LTBR: variants seen among roughly 807,000 people sequenced by gnomAD.
The protein encoded by LTBR is tumor necrosis factor receptor superfamily member 3.
LTBR carries 15 observed loss-of-function variants against 45.4 expected under a neutral mutation model. That is an observed-to-expected ratio of 0.33 (90% CI 0.22 to 0.51). The LOEUF (loss-of-function observed/expected upper bound fraction) is 0.51. Ranked by LOEUF, LTBR falls within the 20% of genes least tolerant of loss-of-function variation. The pLI is 0.97. For synonymous variants in LTBR, 228 were observed against 231.0 expected (o/e 0.99, Z 0.12); for missense variants, 450 against 565.5 (o/e 0.80, Z 2.07).
In LTBR at chr12:6,384,699, C is replaced by CT. The variant is rs1241499319; in HGVS notation, c.193+15_193+16insT. ...CTGCCCGCCAGGTGAGAGGCAATGG[C>CT]AGGACGAACCTGGGCCTCGGAAGTG... On this transcript the variant is annotated intron_variant, in intron 2 of 9. Transcript: ENST00000228918. 6 of 1,611,420 alleles carry CT rather than the reference C, an allele frequency of 3.7e-6. No individual in the cohort carries two copies. The highest frequency in any genetic ancestry group is 5.1e-6 in the Non-Finnish European group (6 of 1,177,598).
At chr12:6,383,516 G>A (rs911660866), upstream of LTBR, among the ~76,000 whole-genome samples, 7 of 152,136 alleles carry the variant, frequency 4.6e-5, no homozygotes, top group African/African-American at 1.7e-4. Flanking sequence ...CTGGCCCCAG[G>A]ACTCCCCTCC....
chr12:6,385,059 C>T lies in LTBR; in HGVS notation c.231C>T (p.Asp77=), dbSNP rs756255222. Reference sequence around the variant, plus strand: ...CAGCTAAATGTAGCCGCATCCGGGACACAGTTTGTGCCACATGTGCCGAGA... The same window carrying T: ...CAGCTAAATGTAGCCGCATCCGGGATACAGTTTGTGCCACATGTGCCGAGA... ...YVSAKCSRIR[D]TVCATCAENS... Residue 77 remains aspartate (D), a synonymous_variant, in exon 3 of 10, where the codon GAC becomes GAT. Coordinates refer to ENST00000228918, the MANE Select transcript of LTBR (RefSeq NM_002342.3). The T allele has an allele frequency of 6.2e-7, 1 of 1,614,092 alleles. No individual in the cohort carries two copies.
At position 6,389,001 on chromosome 12, in the gene LTBR, GA is replaced by G. The variant is rs746929616; in HGVS notation, c.801+177del. On this transcript the variant is annotated intron_variant, in intron 8 of 9. Coordinates refer to ENST00000228918, the MANE Select transcript of LTBR (RefSeq NM_002342.3). ...TCCTAGGCACTGGGCGTACAGCAGT[GA>G]GCAAAACACAGTACCTCATTTCCTG... The G allele has an allele frequency of 1.2e-4, 84 of 672,580 alleles. No individual in the cohort carries two copies. In the South Asian group the frequency reaches 1.4e-3, roughly 11 times the overall value. The allele number at this position is 672,580 out of a possible 1,614,324, so 41.7% of individuals were successfully genotyped here. A position where few individuals can be genotyped will look rare whatever the true frequency, so the allele number is the denominator to read the frequency against.
At chr12:6,385,662 T>G in intron 4 of LTBR, 1 of 454,672 alleles carries the variant, frequency 2.2e-6, no homozygotes, top group South Asian at 2.6e-5. Context: ...ATCCCAGCAC[T>G]TTGGGAGGCC....
rs776934360 is a variant in LTBR, at chr12:6,386,472, G to GGC, written c.667+29_667+30insCG. On this transcript the variant is annotated intron_variant, in intron 6 of 9. Transcript: ENST00000228918. The surrounding 1 kb of genome is among the most constrained non-coding windows in gnomAD (Gnocchi z 4.1). ...GAGGGACCAGGGCTGAGGGACACGG[G>GGC]GGGGGCGCCTCTGAAAATGCCTTAA... The GGC allele has an allele frequency of 6.9e-5, 108 of 1,564,474 alleles. No homozygotes were observed. The highest frequency in any genetic ancestry group is 8.5e-5 in the Non-Finnish European group (97 of 1,139,512).
chr12:6,385,056 G>A lies in LTBR; in HGVS notation c.228G>A (p.Arg76=). Residue 76 remains arginine (R), a synonymous_variant, in exon 3 of 10, where the codon CGG becomes CGA. Transcript: ENST00000228918. ...TYVSAKCSRI[R]DTVCATCAEN... is the part of the protein sequence containing the mutation. Reference sequence around the variant, plus strand: ...TCTCAGCTAAATGTAGCCGCATCCGGGACACAGTTTGTGCCACATGTGCCG... The same window carrying A: ...TCTCAGCTAAATGTAGCCGCATCCGAGACACAGTTTGTGCCACATGTGCCG... The A allele has an allele frequency of 1.2e-6, 2 of 1,614,204 alleles. No homozygotes were observed. The highest frequency in any genetic ancestry group is 1.7e-6 in the Non-Finnish European group (2 of 1,180,036).
chr12:6,391,198 G>A lies in LTBR; in HGVS notation c.*261G>A, dbSNP rs1298062050. 1.3e-5 allele frequency: 5 copies of A among 375,266 alleles called. No homozygotes were observed. The highest frequency in any genetic ancestry group is 9.3e-5 in the Admixed American group (2 of 21,504). The allele number at this position is 375,266 out of a possible 1,614,324, so 23.2% of individuals were successfully genotyped here. A position where few individuals can be genotyped will look rare whatever the true frequency, so the allele number is the denominator to read the frequency against. On this transcript the variant is annotated 3_prime_UTR_variant, in exon 10 of 10. Coordinates refer to ENST00000228918, the MANE Select transcript of LTBR (RefSeq NM_002342.3). ...CCTGGGGCTGCTCAGCCTCAGGCAC[G>A]GACAGGGCACATGATACCAACTGCT...
chr12:6,385,779 G>C (rs889841646), intron 4 of LTBR: 1 of 200,888 alleles, frequency 5.0e-6, no homozygotes, highest in African/African-American at 1.6e-4. Context: ...GGTGGTGGGC[G>C]CCTGTATCCC....
Position 6,384,602 on chromosome 12 carries a change from G to C in LTBR, c.111G>C (p.Ala37=). The C allele has an allele frequency of 6.2e-7, 1 of 1,614,148 alleles. No individual in the cohort carries two copies. Among genetic ancestry groups the C allele is most frequent in the South Asian group, 1.1e-5 (1 of 91,086 alleles). The change falls in exon 2 of 10, where the codon GCG becomes GCC. Residue 37 remains alanine, a synonymous_variant. Transcript: ENST00000228918. ...ASQPQAVPPY[A]SENQTCRDQE... Reference sequence around the variant, plus strand: ...TCCCTTTGAAGGTGCCTCCATATGCGTCGGAGAACCAGACCTGCAGGGACC... The same window carrying C: ...TCCCTTTGAAGGTGCCTCCATATGCCTCGGAGAACCAGACCTGCAGGGACC...
rs1320483600 is a variant in LTBR, at chr12:6,390,666, A to G, written c.1037A>G (p.Asn346Ser). The change falls in exon 10 of 10, where the codon AAT becomes AGT. Residue 346 changes from asparagine (N) to serine (S), a missense_variant. Asn to Ser is a conservative substitution (Grantham distance 46). Around this residue, in one of 3 missense-constraint regions of LTBR, gnomAD observed 12 missense variants for 39.7 expected, o/e 0.30. Coordinates refer to ENST00000228918, the MANE Select transcript of LTBR (RefSeq NM_002342.3). ...GEQSQVAHGT[N>S]GIHVTGGSMT... ...TCTGCCTCCCTTCCTACAGGTACCA[A>G]TGGCATTCATGTCACCGGCGGGTCT... is the stretch of plus-strand genomic sequence containing the variant. 1.3e-6 allele frequency: 2 copies of G among 1,497,074 alleles called. No homozygotes were observed. Among genetic ancestry groups the G allele is most frequent in the Non-Finnish European group, 1.8e-6 (2 of 1,123,560 alleles). 92.7% of individuals were successfully genotyped at this position (1,497,074 alleles called of 1,614,324 possible).
upstream of LTBR, among the ~76,000 whole-genome samples, chr12:6,381,243 A>G (rs1396910785): frequency 2.0e-5 from 3 of 152,216 alleles, no homozygotes; most frequent in Admixed American, 2.0e-4. Flanking sequence ...TCAAAGACCA[A>G]GAAGCCTCCA....
chr12:6,390,153 G>T lies in LTBR; in HGVS notation c.843G>T (p.Pro281=). ...PNPVAGSWEP[P]KAHPYFPDLV... ...CTGTAGCTGGAAGCTGGGAGCCTCCGAAGGCCCATCCATACTTCCCTGACT... is the reference window on the plus strand; with the variant it reads ...CTGTAGCTGGAAGCTGGGAGCCTCCTAAGGCCCATCCATACTTCCCTGACT... Residue 281 remains proline (P), a synonymous_variant, in exon 9 of 10, where the codon CCG becomes CCT. Coordinates refer to ENST00000228918, the MANE Select transcript of LTBR (RefSeq NM_002342.3). 5 of 1,614,076 alleles carry T rather than the reference G, an allele frequency of 3.1e-6. No individual in the cohort carries two copies. The highest frequency in any genetic ancestry group is 4.2e-6 in the Non-Finnish European group (5 of 1,180,022).
intron 9 of LTBR, 92 bp from the exon 10 acceptor site, chr12:6,390,568 A>G (rs557508188): frequency 1.1e-5 from 14 of 1,322,254 alleles, no homozygotes; most frequent in South Asian, 9.1e-5. Flanking sequence ...GGGCGGGGCC[A>G]GGGGAAAGGC....
In LTBR at chr12:6,388,314, A is replaced by G; in HGVS notation, c.668-84A>G. 1 of 1,027,126 alleles carries G rather than the reference A, an allele frequency of 9.7e-7. No homozygotes were observed. Among genetic ancestry groups the G allele is most frequent in the Non-Finnish European group, 1.5e-6 (1 of 657,400 alleles). The allele number at this position is 1,027,126 out of a possible 1,614,324, so 63.6% of individuals were successfully genotyped here. A position where few individuals can be genotyped will look rare whatever the true frequency, so the allele number is the denominator to read the frequency against. Reference sequence around the variant, plus strand: ...TCCCTTTTCTCTGTCTGGGTTGCCCAGGGATCTGGAAAGCTCTTCCTTCTC... The same window carrying G: ...TCCCTTTTCTCTGTCTGGGTTGCCCGGGGATCTGGAAAGCTCTTCCTTCTC... On this transcript the variant is annotated intron_variant, in intron 6 of 9. Transcript: ENST00000228918. This position sits in a 1 kb window ranked among gnomAD's most constrained non-coding sequence, Gnocchi z 4.3.
Position 6,385,367 on chromosome 12 carries a change from G to A in LTBR, c.460G>A (p.Ala154Thr). 6.2e-7 allele frequency: 1 copy of A among 1,614,082 alleles called. No individual in the cohort carries two copies. Among genetic ancestry groups the A allele is most frequent in the South Asian group, 1.1e-5 (1 of 91,090 alleles). ...LLSDCPPGTE[A>T]ELKDEVGKGN... ...TTCTGACTGCCCGCCTGGCACTGAA[G>A]CCGAGCTCAAAGGTCAGAGGTCCCT... is the stretch of plus-strand genomic sequence containing the variant. Residue 154 changes from alanine (A) to threonine (T), a missense_variant, in exon 4 of 10, where the codon GCC (alanine) becomes ACC (threonine). This residue lies in a region of LTBR where 367 missense variants were observed against 435.4 expected (regional missense o/e 0.84). Coordinates refer to ENST00000228918, the MANE Select transcript of LTBR (RefSeq NM_002342.3).
intron 1 of LTBR, 66 bp downstream of exon 1, chr12:6,384,520 A>G: frequency 6.2e-7 from 1 of 1,604,154 alleles, no homozygotes. Context: ...CCGTCGCTCC[A>G]TTCCCTCTGC....
upstream of LTBR, among the ~76,000 whole-genome samples, chr12:6,382,820 C>T (rs1254341247): frequency 1.3e-5 from 2 of 152,142 alleles, no homozygotes; most frequent in Non-Finnish European, 2.9e-5. Context: ...GGGATAGTGC[C>T]CAAGTGACCT....
intron 1 of LTBR, chr12:6,377,110 G>A: frequency 1.6e-6 from 1 of 624,772 alleles, no homozygotes; most frequent in Non-Finnish European, 2.8e-6. Context: ...AAGGAGTTTA[G>A]CAGGCAAAGA....
intron 1 of LTBR, chr12:6,377,724 A>T (rs1948934161): frequency 7.8e-7 from 1 of 1,276,458 alleles, no homozygotes; most frequent in African/African-American, 1.5e-5. Flanking sequence ...TTGATCTCAA[A>T]GGTTCTGAAA....
Sources: allele counts gnomAD v4.1 joint callset (sites outside exome capture counted in the v4.1 genomes callset), GRCh38; gene constraint gnomAD v4.1.1; regional missense constraint gnomAD v4.1.1; non-coding constraint Gnocchi (gnomAD v3.1); transcripts MANE v1.5; gene names NCBI Gene and HGNC (gene_info 2026-07-23, HGNC 2026-07-21).